The following RELN variants were observed in gnomAD, a reference collection of about 807,000 sequenced individuals.
RELN encodes the protein reelin.
In RELN, 108 loss-of-function variants were observed where a neutral mutation model predicts 427.6. The ratio of observed to expected loss-of-function variants is 0.25; its 90% CI spans 0.22 to 0.30. RELN has a LOEUF of 0.30. RELN is among the 10% of genes least tolerant of loss of function. The pLI is 1.00. For synonymous variants in RELN, 1,524 were observed against 1,513.4 expected (o/e 1.01, Z -0.16); for missense variants, 3,715 against 4,302.8 (o/e 0.86, Z 3.82).
intron 3 of RELN, among the ~76,000 whole-genome samples, chr7:103,815,886 T>A (rs190664662): frequency 6.6e-6 from 1 of 152,352 alleles, no homozygotes; most frequent in East Asian, 1.9e-4. Context: ...TTTCAAGGGT[T>A]TTTGATACTT....
At chr7:103,803,390 T>G (rs1329591291) in intron 3 of RELN, among the ~76,000 whole-genome samples, 1 of 152,124 alleles carries the variant, frequency 6.6e-6, no homozygotes, top group Non-Finnish European at 1.5e-5. Context: ...CTAGATATCT[T>G]TAATATACTC....
Position 103,565,396 on chromosome 7 carries a change from T to G in RELN, c.5092A>C (p.Thr1698Pro), listed in dbSNP as rs757559496. 1 of 1,614,106 alleles carries G rather than the reference T, an allele frequency of 6.2e-7. No individual in the cohort carries two copies. The highest frequency in any genetic ancestry group is 1.1e-5 in the South Asian group (1 of 91,088). The part of the protein sequence containing the change: ...LNNGKDWHLV[T>P]EECVPPTIGC... The stretch of plus-strand genomic sequence containing the variant: ...ATGGTTGGAGGAACACACTCTTCGG[T>G]GACAAGATGCCAGTCCTTGCCATTG... The change falls in exon 34 of 65, where the codon ACC becomes CCC. Residue 1698 changes from threonine to proline, a missense_variant. This residue lies in a region of RELN where 2,208 missense variants were observed against 2,361.7 expected (regional missense o/e 0.93). Transcript: ENST00000428762.
At position 103,683,127 on chromosome 7, in the gene RELN, T is replaced by C. The variant is rs558329877; in HGVS notation, c.1144-866A>G. On this transcript the variant is annotated intron_variant, in intron 10 of 64. Transcript: ENST00000428762. ...GAAATAAAAAGAGAAATGCTATACA[T>C]GAAACATCAAACATTCTTTTAAGTT... Among the ~76,000 whole-genome samples, 3 of 152,164 alleles carry C rather than the reference T, an allele frequency of 2.0e-5. No homozygotes were observed. In the East Asian group the frequency reaches 5.8e-4, roughly 29 times the overall value.
At chr7:103,721,268 CTCTT>C (rs1364422772) in intron 8 of RELN, among the ~76,000 whole-genome samples, 1 of 151,676 alleles carries the variant, frequency 6.6e-6, no homozygotes, top group East Asian at 1.9e-4. Context: ...CTCTCTCTCT[CTCTT>C]TCCCCAATTC....
At chr7:103,739,476 C>G (rs1336627477) in intron 6 of RELN, among the ~76,000 whole-genome samples, 2 of 152,206 alleles carry the variant, frequency 1.3e-5, no homozygotes, top group Non-Finnish European at 2.9e-5. Context: ...CACTTGCTAA[C>G]AGCACTGGTA....
intron 16 of RELN, among the ~76,000 whole-genome samples, chr7:103,646,175 G>T (rs1358985990): frequency 6.6e-6 from 1 of 151,486 alleles, no homozygotes; most frequent in Non-Finnish European, 1.5e-5. Context: ...ATAAAAAATA[G>T]ATCACAAAGT....
chr7:103,572,240 T>C lies in RELN; in HGVS notation c.4532A>G (p.Gln1511Arg). ...AATGCCTGAAGTTTTGCTTCCAATT[T>C]GTATATAAAATTGAACAAGTCTGGG... ...RNIRLVQFYI[Q>R]IGSKTSGITC... is the part of the protein sequence containing the mutation. The change falls in exon 31 of 65, where the codon CAA becomes CGA. Residue 1511 changes from glutamine (Q) to arginine (R), a missense_variant. This residue lies in a region of RELN where 2,208 missense variants were observed against 2,361.7 expected (regional missense o/e 0.93). Transcript: ENST00000428762. 6.3e-7 allele frequency: 1 copy of C among 1,585,878 alleles called. No homozygotes were observed. The highest frequency in any genetic ancestry group is 8.7e-7 in the Non-Finnish European group (1 of 1,154,322).
chr7:103,724,656 C>A (rs1180800986), intron 7 of RELN, among the ~76,000 whole-genome samples: 4 of 152,144 alleles, frequency 2.6e-5, no homozygotes, highest in African/African-American at 9.7e-5. Flanking sequence ...TGTGTGCTAA[C>A]TGAGGGTGAC....
At chr7:103,870,358 G>C (rs566432023) in intron 2 of RELN, among the ~76,000 whole-genome samples, 1 of 150,358 alleles carries the variant, frequency 6.7e-6, no homozygotes, top group Non-Finnish European at 1.5e-5. Flanking sequence ...TTTTTTTTCT[G>C]AAGAGTTTTG....
chr7:103,885,982 T>A (rs1794719198), intron 2 of RELN, among the ~76,000 whole-genome samples: 1 of 152,120 alleles, frequency 6.6e-6, no homozygotes, highest in Non-Finnish European at 1.5e-5. Flanking sequence ...AATCACCATT[T>A]TTCTCTTCCA....
At chr7:103,622,498 C>T (rs759273169) in intron 20 of RELN, among the ~76,000 whole-genome samples, 10 of 152,320 alleles carry the variant, frequency 6.6e-5, no homozygotes, top group East Asian at 1.9e-4. Flanking sequence ...GATTACATCA[C>T]TCCCCTGCTC....
At chr7:103,904,424 T>C (rs1235009672) in intron 2 of RELN, among the ~76,000 whole-genome samples, 2 of 152,172 alleles carry the variant, frequency 1.3e-5, no homozygotes, top group African/African-American at 4.8e-5. Context: ...CCTTAGGGGA[T>C]CGCCACACTG....
intron 9 of RELN, among the ~76,000 whole-genome samples, chr7:103,698,305 C>A (rs1053263861): frequency 6.6e-6 from 1 of 151,940 alleles, no homozygotes; most frequent in African/African-American, 2.4e-5. Flanking sequence ...GTATTAAATA[C>A]CTACAAAAGG....
chr7:103,868,678 T>C (rs1794257561), intron 2 of RELN, among the ~76,000 whole-genome samples: 1 of 152,156 alleles, frequency 6.6e-6, no homozygotes, highest in African/African-American at 2.4e-5. Flanking sequence ...AGCTATGATC[T>C]TGGCTTTGGC....
At chr7:103,743,258 G>C (rs1332593705) in intron 6 of RELN, among the ~76,000 whole-genome samples, 1 of 152,168 alleles carries the variant, frequency 6.6e-6, no homozygotes, top group Non-Finnish European at 1.5e-5. Flanking sequence ...AGTTCCTGAA[G>C]GAGGTACTAA....
At chr7:103,649,735 T>TGAAA (rs56228535) in intron 16 of RELN, among the ~76,000 whole-genome samples, 111,477 of 151,148 alleles carry the variant, frequency 0.74, 41,676 homozygotes, top group African/African-American at 0.86. Flanking sequence ...CACTTGAAAA[T>TGAAA]GAAAGATAAA....
intron 20 of RELN, among the ~76,000 whole-genome samples, chr7:103,613,561 T>A (rs569257236): frequency 2.0e-5 from 3 of 152,328 alleles, no homozygotes; most frequent in African/African-American, 7.2e-5. Context: ...TAGGGTCTTT[T>A]AAGTAGGCAA....
intron 22 of RELN, among the ~76,000 whole-genome samples, chr7:103,604,979 A>C (rs546191205): frequency 6.6e-6 from 1 of 152,124 alleles, no homozygotes; most frequent in Non-Finnish European, 1.5e-5. Context: ...GCAGGCACAC[A>C]CCAACATGCC....
At chr7:103,583,098 A>C (rs192958678) in intron 28 of RELN, among the ~76,000 whole-genome samples, 25 of 152,298 alleles carry the variant, frequency 1.6e-4, no homozygotes, top group Admixed American at 1.6e-3. Flanking sequence ...GGAAAGTATA[A>C]TCCTCCATTT....
Sources: gnomAD v4.1 joint callset for allele counts (sites outside exome capture counted in the v4.1 genomes callset) on GRCh38, gnomAD v4.1.1 for gene constraint, gnomAD v4.1.1 regional missense constraint, MANE v1.5 for transcripts, NCBI Gene and HGNC (gene_info 2026-07-23, HGNC 2026-07-21) for gene names.